RBPMS: variants seen among roughly 807,000 people sequenced by gnomAD.
The protein encoded by RBPMS is RNA binding protein, mRNA processing factor, also known as RNA-binding protein with multiple splicing.
A neutral mutation model predicts 26.8 loss-of-function variants in RBPMS; 7 were observed. The observed-to-expected ratio is 0.26, with a 90% CI of 0.15 to 0.49. The LOEUF is 0.49. Among genes scored for constraint, RBPMS ranks in the 20% least tolerant of loss-of-function variants. The pLI, the probability that RBPMS is intolerant of heterozygous loss-of-function variation, is 0.98. For missense variants in RBPMS, 186 were observed against 250.0 expected, an observed-to-expected ratio of 0.74 and a Z score of 1.73; for synonymous variants, 96 against 93.3, an observed-to-expected ratio of 1.03 and a Z score of -0.17.
chr8:30,563,551 A>C (rs1159754435), intron 7 of RBPMS, among the ~76,000 whole-genome samples: 1 of 152,182 alleles, frequency 6.6e-6, no homozygotes, highest in Non-Finnish European at 1.5e-5. Flanking sequence ...CTGGCCATGG[A>C]CCGGGACCAG....
chr8:30,562,327 GAAAAAA>G (rs753001749), intron 7 of RBPMS, among the ~76,000 whole-genome samples: 1 of 103,408 alleles, frequency 9.7e-6, no homozygotes, highest in Non-Finnish European at 1.9e-5. Context: ...CAAGACTGTC[GAAAAAA>G]AAAAAAAAAA....
Position 30,566,259 on chromosome 8 carries a change from C to A in RBPMS, c.*10C>A. ...CGGGTGATCTTTCTCCATCCCAGGT[C>A]CCAGGTGTGTGATGGCGGCTGCAAT... is the stretch of plus-strand genomic sequence containing the variant. On this transcript the variant is annotated splice_region_variant and 3_prime_UTR_variant, in exon 8 of 9. Coordinates refer to ENST00000397323, the MANE Select transcript of RBPMS (RefSeq NM_001008710.3). 1 of 985,976 alleles carries A rather than the reference C, an allele frequency of 1.0e-6. No individual in the cohort carries two copies. Among genetic ancestry groups the A allele is most frequent in the Non-Finnish European group, 1.2e-6 (1 of 830,012 alleles). 61.1% of individuals were successfully genotyped at this position (985,976 alleles called of 1,614,324 possible). A position where few individuals can be genotyped will look rare whatever the true frequency, so the allele number is the denominator to read the frequency against.
intron 6 of RBPMS, chr8:30,555,744 A>T: frequency 3.1e-6 from 1 of 323,956 alleles, no homozygotes; most frequent in Non-Finnish European, 4.4e-6. Context: ...GTCTGGAGGG[A>T]ACTGTAGGTT....
intron 1 of RBPMS, among the ~76,000 whole-genome samples, chr8:30,460,960 G>A (rs1477402522): frequency 1.3e-5 from 2 of 151,986 alleles, no homozygotes; most frequent in Non-Finnish European, 2.9e-5. Flanking sequence ...CTGAGGTGGG[G>A]GAGGATCTCT....
intron 1 of RBPMS, chr8:30,446,976 C>G (rs1813939132): frequency 1.3e-5 from 2 of 152,042 alleles, no homozygotes; most frequent in African/African-American, 4.8e-5. Flanking sequence ...GGTGGGTGCT[C>G]TACTTCCCAC....
chr8:30,544,821 C>A, intron 6 of RBPMS, 197 bp downstream of exon 6: 2 of 1,544,020 alleles, frequency 1.3e-6, no homozygotes, highest in Non-Finnish European at 1.7e-6. Flanking sequence ...ATATCACCCA[C>A]TGCCTGATGT....
At chr8:30,440,640 C>T (rs1159035953) in intron 1 of RBPMS, among the ~76,000 whole-genome samples, 1 of 152,134 alleles carries the variant, frequency 6.6e-6, no homozygotes, top group South Asian at 2.1e-4. Context: ...GTGCAAACGT[C>T]TTTTTGAGAT....
intron 5 of RBPMS, among the ~76,000 whole-genome samples, chr8:30,535,309 T>C (rs1824670290): frequency 6.6e-6 from 1 of 152,208 alleles, no homozygotes; most frequent in Admixed American, 6.5e-5. Context: ...GTGCCAGACA[T>C]ATGTGCTAAG....
chr8:30,521,222 T>G (rs1334288230), intron 5 of RBPMS, among the ~76,000 whole-genome samples: 1 of 152,216 alleles, frequency 6.6e-6, no homozygotes, highest in Non-Finnish European at 1.5e-5. Flanking sequence ...CCTTGGTCCC[T>G]GAAATGGAAT....
intron 1 of RBPMS, among the ~76,000 whole-genome samples, chr8:30,392,556 G>T (rs181333220): frequency 2.0e-5 from 3 of 152,296 alleles, no homozygotes; most frequent in East Asian, 3.9e-4. Flanking sequence ...GTCCCAATGG[G>T]CAGGGGGATG....
At chr8:30,485,389 A>G (rs981772180) in intron 4 of RBPMS, among the ~76,000 whole-genome samples, 1 of 152,132 alleles carries the variant, frequency 6.6e-6, no homozygotes, top group African/African-American at 2.4e-5. Context: ...TTCATTTAGC[A>G]TATTGCTGAA....
At chr8:30,555,249 G>A (rs1209943076) in intron 6 of RBPMS, among the ~76,000 whole-genome samples, 1 of 152,132 alleles carries the variant, frequency 6.6e-6, no homozygotes. Flanking sequence ...CCATGCAGGG[G>A]CACTGCATTT....
chr8:30,518,687 CTT>C (rs58763494), intron 5 of RBPMS, among the ~76,000 whole-genome samples: 319 of 18,168 alleles, frequency 0.018, 2 homozygotes, highest in South Asian at 0.033. Context: ...CCAAGCATGA[CTT>C]TTTTTTTTTT....
chr8:30,566,010 G>A (rs1827862169), intron 7 of RBPMS: 1 of 152,590 alleles, frequency 6.6e-6, no homozygotes, highest in South Asian at 2.1e-4. Context: ...CTGGCCCCCA[G>A]AAGCCTCCTC....
chr8:30,448,242 G>C (rs1039766612), intron 1 of RBPMS, among the ~76,000 whole-genome samples: 2 of 152,222 alleles, frequency 1.3e-5, no homozygotes. Context: ...CATTGCAAGA[G>C]TTAACTTGTA....
At chr8:30,439,527 T>G (rs972039839) in intron 1 of RBPMS, among the ~76,000 whole-genome samples, 2 of 152,214 alleles carry the variant, frequency 1.3e-5, no homozygotes, top group Non-Finnish European at 2.9e-5. Context: ...GAGCAAATCT[T>G]TTGACATTGT....
At chr8:30,475,951 G>T (rs62502018) in intron 2 of RBPMS, among the ~76,000 whole-genome samples, 1 of 152,194 alleles carries the variant, frequency 6.6e-6, no homozygotes, top group African/African-American at 2.4e-5. Flanking sequence ...TATGGAGAGA[G>T]TGCCACCTTT....
intron 6 of RBPMS, among the ~76,000 whole-genome samples, chr8:30,546,497 T>C (rs1422008511): frequency 6.6e-6 from 1 of 152,178 alleles, no homozygotes; most frequent in Non-Finnish European, 1.5e-5. Context: ...GCATATGCCA[T>C]TGTAAGGAAG....
chr8:30,541,413 A>G (rs953700760), intron 5 of RBPMS, among the ~76,000 whole-genome samples: 1 of 152,174 alleles, frequency 6.6e-6, no homozygotes, highest in Non-Finnish European at 1.5e-5. Flanking sequence ...AAAAAAGCCT[A>G]TTCAGATGTA....
Sources: allele counts gnomAD v4.1 joint callset (sites outside exome capture counted in the v4.1 genomes callset), GRCh38; gene constraint gnomAD v4.1.1; transcripts MANE v1.5; gene names NCBI Gene and HGNC (gene_info 2026-07-23, HGNC 2026-07-21).